The following NLGN4Y variants were observed in gnomAD, a reference collection of about 807,000 sequenced individuals.
NLGN4Y encodes the protein neuroligin 4 Y-linked.
NLGN4Y carries 4 observed loss-of-function variants against 8.4 expected under a neutral mutation model. That is an observed-to-expected ratio of 0.48 (90% confidence interval 0.23 to 1.09). The LOEUF (loss-of-function observed/expected upper bound fraction) is 1.09. Among genes scored for constraint, NLGN4Y ranks in the 50% least tolerant of loss-of-function variants. NLGN4Y has a pLI of 0.19. For missense variants in NLGN4Y, 90 were observed against 192.3 expected (o/e 0.47, Z 3.15); for synonymous variants, 35 against 75.6 (o/e 0.46, Z 2.78).
intron 2 of NLGN4Y, among the ~76,000 whole-genome samples, chrY:14,706,789 T>TA (rs2080879613): frequency 2.9e-3 from 51 of 17,419 alleles, no homozygotes; most frequent in African/African-American, 8.7e-3. Flanking sequence ...TAATCTCATT[T>TA]AAAAAAAAAT....
chrY:14,649,615 A>G (rs2150519195), intron 2 of NLGN4Y, among the ~76,000 whole-genome samples: 3 of 33,573 alleles, frequency 8.9e-5, no homozygotes, highest in Admixed American at 8.2e-4. Context: ...TGGGTCTTCT[A>G]ATCTGCTAAA....
At chrY:14,651,430 AATT>A (rs2080629384) in intron 2 of NLGN4Y, among the ~76,000 whole-genome samples, 1 of 33,508 alleles carries the variant, frequency 3.0e-5, no homozygotes, top group African/African-American at 1.2e-4. Flanking sequence ...TGTATTAATT[AATT>A]ATTATTAGTA....
chrY:14,833,754 G>A (rs2043187831), intron 6 of NLGN4Y, among the ~76,000 whole-genome samples: 2 of 33,577 alleles, frequency 6.0e-5, no homozygotes, highest in South Asian at 6.7e-4. Context: ...ACCACTGTCC[G>A]ACACTCCCCA....
intron 1 of NLGN4Y, among the ~76,000 whole-genome samples, chrY:14,542,123 G>A (rs2080151221): frequency 3.0e-5 from 1 of 33,132 alleles, no homozygotes; most frequent in African/African-American, 1.2e-4. Flanking sequence ...CCAAGCAAAT[G>A]GAAAGCAAAA....
intron 1 of NLGN4Y, among the ~76,000 whole-genome samples, chrY:14,543,948 A>G (rs1047148775): frequency 2.7e-4 from 9 of 33,627 alleles, no homozygotes; most frequent in African/African-American, 9.3e-4. Flanking sequence ...TGAAATTATC[A>G]TTAGGGTATT....
chrY:14,569,436 A>G (rs2080262232), intron 1 of NLGN4Y, among the ~76,000 whole-genome samples: 1 of 33,199 alleles, frequency 3.0e-5, no homozygotes, highest in Non-Finnish European at 7.4e-5. Context: ...ATGTTTCTGC[A>G]AAGGACCTGA....
chrY:14,616,221 A>T, intron 1 of NLGN4Y, among the ~76,000 whole-genome samples: 1 of 33,243 alleles, frequency 3.0e-5, no homozygotes, highest in Non-Finnish European at 7.5e-5. Flanking sequence ...AGATTTTCTA[A>T]CTTATTTGTG....
chrY:14,686,441 A>T (rs1040316454), intron 2 of NLGN4Y, among the ~76,000 whole-genome samples: 2 of 33,089 alleles, frequency 6.0e-5, no homozygotes, highest in African/African-American at 2.3e-4. Flanking sequence ...ATTTCTTAAA[A>T]ACATAGTTTT....
At chrY:14,543,469 G>A in intron 1 of NLGN4Y, among the ~76,000 whole-genome samples, 2 of 33,419 alleles carry the variant, frequency 6.0e-5, no homozygotes, top group Non-Finnish European at 1.5e-4. Flanking sequence ...TAGAAGGAAC[G>A]TGAGTATTTT....
At chrY:14,590,138 G>A (rs758974857) in intron 1 of NLGN4Y, among the ~76,000 whole-genome samples, 38 of 34,243 alleles carry the variant, frequency 1.1e-3, no homozygotes, top group African/African-American at 3.7e-3. Flanking sequence ...AGTGCTGCAC[G>A]CAGCCCCAGT....
chrY:14,736,736 T>A, intron 4 of NLGN4Y, among the ~76,000 whole-genome samples: 1 of 32,499 alleles, frequency 3.1e-5, no homozygotes, highest in Non-Finnish European at 7.5e-5. Context: ...CCATTTGCTC[T>A]GCCCTTCTCC....
At chrY:14,564,349 T>C in intron 1 of NLGN4Y, among the ~76,000 whole-genome samples, 1 of 33,203 alleles carries the variant, frequency 3.0e-5, no homozygotes, top group Non-Finnish European at 7.4e-5. Context: ...CCCAACCTGA[T>C]AGAGCCCAGG....
intron 1 of NLGN4Y, among the ~76,000 whole-genome samples, chrY:14,581,227 A>G: frequency 3.0e-5 from 1 of 33,667 alleles, no homozygotes; most frequent in Non-Finnish European, 7.4e-5. Flanking sequence ...TAATTGCTTA[A>G]AAATGACCTA....
chrY:14,611,870 C>G, intron 1 of NLGN4Y, among the ~76,000 whole-genome samples: 9 of 32,637 alleles, frequency 2.8e-4, no homozygotes, highest in African/African-American at 1.1e-3. Flanking sequence ...TGGATAATAT[C>G]CTGAAGTGTG....
chrY:14,727,341 C>A (rs2080958281), intron 4 of NLGN4Y, among the ~76,000 whole-genome samples: 1 of 32,592 alleles, frequency 3.1e-5, no homozygotes, highest in Admixed American at 2.8e-4. Flanking sequence ...CTTAATCCCA[C>A]CCCTGAATTA....
chrY:14,785,054 C>T (rs2042957482), intron 4 of NLGN4Y, among the ~76,000 whole-genome samples: 1 of 32,916 alleles, frequency 3.0e-5, no homozygotes, highest in Non-Finnish European at 7.4e-5. Context: ...AGTACCTGTG[C>T]CATGAAATAA....
At chrY:14,625,047 C>A in intron 2 of NLGN4Y, among the ~76,000 whole-genome samples, 1 of 33,817 alleles carries the variant, frequency 3.0e-5, no homozygotes, top group African/African-American at 1.1e-4. Flanking sequence ...AAAATGTGTA[C>A]ATTTATTAAA....
At chrY:14,702,332 G>T (rs2080853222) in intron 2 of NLGN4Y, among the ~76,000 whole-genome samples, 14 of 30,913 alleles carry the variant, frequency 4.5e-4, no homozygotes, top group Admixed American at 3.1e-3. Flanking sequence ...CCCACAACAG[G>T]CCCCAGTGTG....
At chrY:14,712,792 G>A (rs888857819) in intron 2 of NLGN4Y, among the ~76,000 whole-genome samples, 2 of 33,586 alleles carry the variant, frequency 6.0e-5, no homozygotes, top group Non-Finnish European at 1.5e-4. Flanking sequence ...CAGTCAAAAG[G>A]TTCAATACAT....
Sources: gnomAD v4.1 joint callset for allele counts (sites outside exome capture counted in the v4.1 genomes callset) on GRCh38, gnomAD v4.1.1 for gene constraint, MANE v1.5 for transcripts, NCBI Gene and HGNC (gene_info 2026-07-23, HGNC 2026-07-21) for gene names.